DNAJA3: variants seen among roughly 807,000 people sequenced by gnomAD.
DNAJA3 encodes the protein dnaJ homolog subfamily A member 3, mitochondrial.
Under a neutral mutation model 54.9 loss-of-function variants are expected in DNAJA3, and 29 were observed. That is an observed-to-expected ratio of 0.53 (90% confidence interval 0.39 to 0.72). The LOEUF (loss-of-function observed/expected upper bound fraction) is 0.72, where lower values mean the gene tolerates loss of function less well. DNAJA3 is among the 30% of genes least tolerant of loss of function. The pLI is 0.00. For missense variants in DNAJA3, 708 were observed against 639.4 expected (o/e 1.11, Z -1.16); for synonymous variants, 302 against 251.4 (o/e 1.20, Z -1.90).
intron 1 of DNAJA3, among the ~76,000 whole-genome samples, chr16:4,428,819 A>T (rs1394114669): frequency 1.3e-5 from 2 of 151,906 alleles, no homozygotes; most frequent in African/African-American, 4.8e-5. Flanking sequence ...CAGGAGGATC[A>T]CATGAGCCTA....
intron 5 of DNAJA3, 72 bp downstream of exon 5, chr16:4,442,492 C>G (rs1387440784): frequency 6.8e-7 from 1 of 1,463,090 alleles, no homozygotes; most frequent in Non-Finnish European, 9.1e-7. Context: ...TGTGGCACTG[C>G]TCCCAGAGAA....
intron 3 of DNAJA3, among the ~76,000 whole-genome samples, chr16:4,438,268 G>A (rs909061048): frequency 6.6e-6 from 1 of 151,414 alleles, no homozygotes; most frequent in Admixed American, 6.6e-5. Context: ...AGTGAGCTGA[G>A]ATTGCGCCAC....
At chr16:4,438,441 T>A (rs2056798935) in intron 3 of DNAJA3, among the ~76,000 whole-genome samples, 1 of 152,098 alleles carries the variant, frequency 6.6e-6, no homozygotes, top group Admixed American at 6.6e-5. Flanking sequence ...TTCAATGACA[T>A]CCCCTTCCTC....
At chr16:4,441,272 C>A in intron 3 of DNAJA3, 103 bp from the exon 4 acceptor site, 1 of 1,085,288 alleles carries the variant, frequency 9.2e-7, no homozygotes, top group Middle Eastern at 3.1e-4. Context: ...CACACAGGGC[C>A]ACTTAATAAA....
At chr16:4,427,333 T>G (rs940219653) in intron 1 of DNAJA3, 1 of 152,238 alleles carries the variant, frequency 6.6e-6, no homozygotes, top group Non-Finnish European at 1.5e-5. Context: ...TCTATAAATT[T>G]ATAAAGATTA....
chr16:4,455,937 A>G lies in DNAJA3; in HGVS notation c.*405A>G, dbSNP rs2057030455. 1 of 307,646 alleles carries G rather than the reference A, an allele frequency of 3.3e-6. No homozygotes were observed. Among genetic ancestry groups the G allele is most frequent in the South Asian group, 7.7e-5 (1 of 12,938 alleles). 19.1% of individuals were successfully genotyped at this position (307,646 alleles called of 1,614,324 possible). A position where few individuals can be genotyped will look rare whatever the true frequency, so the allele number is the denominator to read the frequency against. On this transcript the variant is annotated 3_prime_UTR_variant, in exon 12 of 12. Transcript: ENST00000262375. ...AGCTGCATCAAGTTACGAAGTGATTAATTTCCTTCTCAGCAAACCTCCGGG... is the reference window on the plus strand; with the variant it reads ...AGCTGCATCAAGTTACGAAGTGATTGATTTCCTTCTCAGCAAACCTCCGGG...
intron 7 of DNAJA3, 77 bp downstream of exon 7, chr16:4,444,805 T>C: frequency 7.8e-7 from 1 of 1,286,106 alleles, no homozygotes; most frequent in East Asian, 2.4e-5. Flanking sequence ...TGCTCCCATG[T>C]AATCAAAGCT....
chr16:4,452,888 G>A (rs2056993724), intron 10 of DNAJA3, among the ~76,000 whole-genome samples: 1 of 152,158 alleles, frequency 6.6e-6, no homozygotes, highest in East Asian at 1.9e-4. Flanking sequence ...TCCAGCCTGG[G>A]TGCCAGGGCA....
intron 2 of DNAJA3, 94 bp from the exon 3 acceptor site, chr16:4,437,308 G>A (rs2056783205): frequency 2.0e-6 from 2 of 1,019,952 alleles, no homozygotes; most frequent in Non-Finnish European, 3.0e-6. Context: ...AATTATGACT[G>A]GTATTTGGGG....
rs2056787829 is a variant in DNAJA3 at position 4,437,653 on chromosome 16, C to G, written c.429+168C>G. On this transcript the variant is annotated intron_variant, in intron 3 of 11. Coordinates refer to ENST00000262375, the MANE Select transcript of DNAJA3 (RefSeq NM_005147.6). Reference sequence around the variant, plus strand: ...AAATAAAAAAAAAGAGATTCCAGGCCAAGCATGGTGGCTCACTCCTGTAGT... The same window carrying G: ...AAATAAAAAAAAAGAGATTCCAGGCGAAGCATGGTGGCTCACTCCTGTAGT... 5.0e-6 allele frequency: 3 copies of G among 600,680 alleles called. No individual in the cohort carries two copies. The South Asian group carries it at 6.6e-5, about 13-fold the overall frequency. 37.2% of individuals were successfully genotyped at this position (600,680 alleles called of 1,614,324 possible).
chr16:4,451,895 CT>C (rs749129782), intron 10 of DNAJA3, among the ~76,000 whole-genome samples: 6 of 90,530 alleles, frequency 6.6e-5, no homozygotes, highest in Non-Finnish European at 1.4e-4. Context: ...CCTGTCTCTA[CT>C]AAAAAAAAAA....
Position 4,437,434 on chromosome 16 carries a change from G to A in DNAJA3, c.378G>A (p.Lys126=). The A allele has an allele frequency of 6.2e-7, 1 of 1,614,032 alleles. No individual in the cohort carries two copies. Among genetic ancestry groups the A allele is most frequent in the Non-Finnish European group, 8.5e-7 (1 of 1,179,994 alleles). The change falls in exon 3 of 12, where the codon AAG becomes AAA. Residue 126 remains lysine, a synonymous_variant. Transcript: ENST00000262375. ...LAKKYHPDTN[K]DDPKAKEKFS... is the part of the protein sequence containing the mutation. Reference sequence around the variant, plus strand: ...AGAAGTATCACCCTGACACAAATAAGGATGATCCCAAAGCCAAGGAGAAGT... The same window carrying A: ...AGAAGTATCACCCTGACACAAATAAAGATGATCCCAAAGCCAAGGAGAAGT...
chr16:4,434,746 G>GT (rs895343440), intron 2 of DNAJA3, among the ~76,000 whole-genome samples: 21 of 151,324 alleles, frequency 1.4e-4, no homozygotes, highest in Non-Finnish European at 2.4e-4. Context: ...ATTTTAAGAA[G>GT]TTTTTTTTTC....
intron 2 of DNAJA3, among the ~76,000 whole-genome samples, chr16:4,434,886 CTTTTTTTTTTTTTTTTTTTTTT>C (rs202179531): frequency 1.0e-5 from 1 of 100,196 alleles, no homozygotes; most frequent in Non-Finnish European, 1.9e-5. Flanking sequence ...CCTTTCCTTT[CTTTTTTTTTTTTTTTTTTTTTT>C]TTTTTTGAGA....
At chr16:4,426,186 G>A in intron 1 of DNAJA3, 94 bp downstream of exon 1, 2 of 1,305,722 alleles carry the variant, frequency 1.5e-6, no homozygotes, top group Non-Finnish European at 2.0e-6. Context: ...GTAGTGGGGT[G>A]GAGGGTGTCT....
chr16:4,455,271 C>G (rs1017116217), intron 11 of DNAJA3, among the ~76,000 whole-genome samples: 1 of 152,148 alleles, frequency 6.6e-6, no homozygotes, highest in African/African-American at 2.4e-5. Flanking sequence ...AGAGCCAGGC[C>G]TAGAACTCAG....
chr16:4,437,007 G>A (rs564322560), intron 2 of DNAJA3, among the ~76,000 whole-genome samples: 19 of 152,188 alleles, frequency 1.2e-4, no homozygotes, highest in East Asian at 7.8e-4. Flanking sequence ...ATCTCACTCC[G>A]TCACCTAGGC....
At chr16:4,426,439 A>G (rs1048779981) in intron 1 of DNAJA3, among the ~76,000 whole-genome samples, 1 of 152,192 alleles carries the variant, frequency 6.6e-6, no homozygotes, top group Non-Finnish European at 1.5e-5. Context: ...GCTAACTGCC[A>G]TTCGGAGAGG....
At chr16:4,428,982 G>A (rs540434973) in intron 1 of DNAJA3, among the ~76,000 whole-genome samples, 6 of 144,236 alleles carry the variant, frequency 4.2e-5, no homozygotes, top group Non-Finnish European at 7.4e-5. Context: ...TCCGCCTCCC[G>A]GGTTCAGGCC....
Sources: allele counts gnomAD v4.1 joint callset (sites outside exome capture counted in the v4.1 genomes callset), GRCh38; gene constraint gnomAD v4.1.1; transcripts MANE v1.5; gene names NCBI Gene and HGNC (gene_info 2026-07-23, HGNC 2026-07-21).